VEGFA: variants seen among roughly 807,000 people sequenced by gnomAD.
VEGFA encodes vascular endothelial growth factor A, long form.
In VEGFA, 20 loss-of-function variants were observed where a neutral mutation model predicts 49.7. The observed-to-expected ratio is 0.40, with a 90% CI of 0.28 to 0.58. VEGFA has a LOEUF of 0.58. VEGFA is among the 20% of genes least tolerant of loss of function. The probability of loss-of-function intolerance (pLI) is 0.40; values close to 1 mark genes in which losing one functional copy is unlikely to be tolerated. For missense variants in VEGFA, 505 were observed against 553.5 expected, an observed-to-expected ratio of 0.91 and a Z score of 0.88; for synonymous variants, 219 against 223.4, an observed-to-expected ratio of 0.98 and a Z score of 0.18.
intron 5 of VEGFA, chr6:43,779,890 T>G (rs1443448941): frequency 3.0e-6 from 1 of 335,868 alleles, no homozygotes; most frequent in Non-Finnish European, 6.1e-6. Flanking sequence ...GGCTACAGCC[T>G]GCCCCCCTTC....
Position 43,770,705 on chromosome 6 carries a change from C to T in VEGFA, c.-2C>T, listed in dbSNP as rs745949912. ...TTGGGATCCCGCAGCTGACCAGTCG[C>T]GCTGACGGACAGACAGACAGACACC... On this transcript the variant is annotated 5_prime_UTR_variant, in exon 1 of 8. Coordinates refer to ENST00000672860, the MANE Select transcript of VEGFA (RefSeq NM_003376.6). 3.2e-6 allele frequency: 5 copies of T among 1,548,870 alleles called. No individual in the cohort carries two copies. In the South Asian group the frequency reaches 4.7e-5, roughly 15 times the overall value.
chr6:43,775,323 A>AT (rs3024991), intron 2 of VEGFA: 59,725 of 152,122 alleles, frequency 0.39, 12,713 homozygotes, highest in African/African-American at 0.57. Context: ...GGCAGGACAA[A>AT]GGTCTTTGTT....
In VEGFA at chr6:43,786,047, C is replaced by T. The variant is rs946247119; in HGVS notation, c.*1485C>T. 1.1e-5 allele frequency: 2 copies of T among 182,130 alleles called. No individual in the cohort carries two copies. Among genetic ancestry groups the T allele is most frequent in the African/African-American group, 4.7e-5 (2 of 42,412 alleles). The allele number at this position is 182,130 out of a possible 1,614,324, so 11.3% of individuals were successfully genotyped here. A position where few individuals can be genotyped will look rare whatever the true frequency, so the allele number is the denominator to read the frequency against. Reference sequence around the variant, plus strand: ...TTTTGCTAACACTCAGCTCTGCCCTCCCCGATCCCCTGGCTCCCCAGCACA... The same window carrying T: ...TTTTGCTAACACTCAGCTCTGCCCTTCCCGATCCCCTGGCTCCCCAGCACA... On this transcript the variant is annotated 3_prime_UTR_variant, in exon 8 of 8. Coordinates refer to ENST00000672860, the MANE Select transcript of VEGFA (RefSeq NM_003376.6).
chr6:43,771,161 G>T lies in VEGFA; in HGVS notation c.455G>T (p.Arg152Leu), dbSNP rs769291960. The change falls in exon 1 of 8, where the codon CGA (arginine) becomes CTA (leucine). Residue 152 changes from arginine to leucine, a missense_variant. Physicochemically the swap from Arg to Leu is moderately radical, Grantham distance 102. This residue lies in a region of VEGFA where 340 missense variants were observed against 321.8 expected (regional missense o/e 1.06). Transcript: ENST00000672860. Reference sequence around the variant, plus strand: ...GGCCGGGGAGGAAGAGTAGCTCGCCGAGGCGCCGAGGAGAGCGGGCCGCCC... The same window carrying T: ...GGCCGGGGAGGAAGAGTAGCTCGCCTAGGCGCCGAGGAGAGCGGGCCGCCC... 2 of 1,557,670 alleles carry T rather than the reference G, an allele frequency of 1.3e-6. No homozygotes were observed. The highest frequency in any genetic ancestry group is 1.4e-5 in the African/African-American group (1 of 71,024).
At chr6:43,779,229 T>G in intron 5 of VEGFA, 1 of 524,758 alleles carries the variant, frequency 1.9e-6, no homozygotes, top group Non-Finnish European at 3.4e-6. Flanking sequence ...ACTGGCTCAC[T>G]GGCTTGCTCT....
rs113207577 is a variant in VEGFA, at chr6:43,778,552, C to T, written c.932+16C>T. The T allele has an allele frequency of 9.3e-5, 150 of 1,612,256 alleles. No homozygotes were observed. In the African/African-American group the frequency reaches 1.3e-3, roughly 14 times the overall value. On this transcript the variant is annotated intron_variant, in intron 4 of 7. Coordinates refer to ENST00000672860, the MANE Select transcript of VEGFA (RefSeq NM_003376.6). ...GTGAATGCAGGTGAGGATGTAGTCA[C>T]GGATTCATTATCAGCAAGTGGCTGC...
At position 43,777,361 on chromosome 6, in the gene VEGFA, G is replaced by T; in HGVS notation, c.659-108G>T. The T allele has an allele frequency of 1.5e-6, 2 of 1,293,902 alleles. No homozygotes were observed. The highest frequency in any genetic ancestry group is 2.2e-6 in the Non-Finnish European group (2 of 909,450). The allele number at this position is 1,293,902 out of a possible 1,614,324, so 80.2% of individuals were successfully genotyped here. On this transcript the variant is annotated intron_variant, in intron 2 of 7. Transcript: ENST00000672860. The surrounding 1 kb of genome is among the most constrained non-coding windows in gnomAD (Gnocchi z 4.3). The stretch of plus-strand genomic sequence containing the variant: ...CTTACGTTAGATTTTGGAAGGACTT[G>T]CCTGATTCGGAAGCTCCAAAGAGTG...
chr6:43,780,062 A>C (rs1582513853), intron 5 of VEGFA: 1 of 217,326 alleles, frequency 4.6e-6, no homozygotes, highest in South Asian at 7.2e-5. Flanking sequence ...CTTAACTCCC[A>C]CCCCATCCTG....
intron 1 of VEGFA, chr6:43,771,914 C>G: frequency 1.5e-6 from 1 of 650,698 alleles, no homozygotes; most frequent in Non-Finnish European, 1.9e-6. Flanking sequence ...CGCCCGTCCC[C>G]GCTCGCGTCC....
At position 43,774,381 on chromosome 6, in the gene VEGFA, A is replaced by G. The variant is rs138919899; in HGVS notation, c.647A>G (p.Asn216Ser). The change falls in exon 2 of 8, where the codon AAT becomes AGT. Residue 216 changes from asparagine to serine, a missense_variant. Transcript: ENST00000672860. ...CCCATGGCAGAAGGAGGAGGGCAGA[A>G]TCATCACGAAGGTGAGTCCCCCTGG... 1.9e-6 allele frequency: 3 copies of G among 1,614,204 alleles called. No homozygotes were observed. The highest frequency in any genetic ancestry group is 3.3e-5 in the Admixed American group (2 of 60,030).
At chr6:43,779,048 T>C (rs1201696247) in intron 5 of VEGFA, 130 bp downstream of exon 5, 14 of 1,240,202 alleles carry the variant, frequency 1.1e-5, no homozygotes, top group Non-Finnish European at 1.5e-5. Flanking sequence ...GGGGGACTTG[T>C]GGTGGCAGCA....
At position 43,785,480 on chromosome 6, in the gene VEGFA, T is replaced by TG. The variant is rs1046569871; in HGVS notation, c.*920dup. The TG allele has an allele frequency of 4.9e-4, 107 of 219,898 alleles. No individual in the cohort carries two copies. Among genetic ancestry groups the TG allele is most frequent in the African/African-American group, 2.2e-3 (98 of 44,560 alleles). 13.6% of individuals were successfully genotyped at this position (219,898 alleles called of 1,614,324 possible). ...GCTTCTGAGTTGCCCAGGAGACCAC[T>TG]GGCAGATGTCCCGGCGAAGAGAAGA... On this transcript the variant is annotated 3_prime_UTR_variant, in exon 8 of 8. Coordinates refer to ENST00000672860, the MANE Select transcript of VEGFA (RefSeq NM_003376.6).
chr6:43,782,550 C>T, intron 7 of VEGFA: 1 of 260,398 alleles, frequency 3.8e-6, no homozygotes. Flanking sequence ...CATGGCTGGG[C>T]TTCTCACTCA....
rs755361036 is a variant in VEGFA, at chr6:43,777,640, C to T, written c.830C>T (p.Thr277Ile). ...GACGAGGGCCTGGAGTGTGTGCCCA[C>T]TGAGGAGTCCAACATCACCATGCAG... Residue 277 changes from threonine (T) to isoleucine (I), a missense_variant, in exon 3 of 8, where the codon ACT (threonine) becomes ATT (isoleucine). This residue lies in a region of VEGFA where 165 missense variants were observed against 231.7 expected (regional missense o/e 0.71). Coordinates refer to ENST00000672860, the MANE Select transcript of VEGFA (RefSeq NM_003376.6). The surrounding 1 kb of genome is among the most constrained non-coding windows in gnomAD (Gnocchi z 4.3). 3.1e-6 allele frequency: 5 copies of T among 1,612,606 alleles called. No individual in the cohort carries two copies. Among genetic ancestry groups the T allele is most frequent in the Non-Finnish European group, 3.4e-6 (4 of 1,179,606 alleles).
At chr6:43,778,282 G>A (rs1033498733) in intron 3 of VEGFA, 178 bp from the exon 4 acceptor site, 2 of 681,112 alleles carry the variant, frequency 2.9e-6, no homozygotes, top group African/African-American at 3.5e-5. Flanking sequence ...CAGGGTTGGG[G>A]GAGTTGGGGT....
chr6:43,773,942 G>T lies in VEGFA; in HGVS notation c.607-399G>T. ...CCCCTAGTCCTTCCTTCCTGCCCCA[G>T]TCCAAATTTGTCCTCCTATTTGACC... On this transcript the variant is annotated intron_variant, in intron 1 of 7. Transcript: ENST00000672860. This position sits in a 1 kb window ranked among gnomAD's most constrained non-coding sequence, Gnocchi z 5.6. 3.9e-6 allele frequency: 1 copy of T among 255,538 alleles called. No homozygotes were observed. The highest frequency in any genetic ancestry group is 5.3e-5 in the South Asian group (1 of 18,786). 15.8% of individuals were successfully genotyped at this position (255,538 alleles called of 1,614,324 possible).
intron 3 of VEGFA, 145 bp from the exon 4 acceptor site, chr6:43,778,315 A>C: frequency 2.1e-5 from 15 of 730,590 alleles, no homozygotes; most frequent in Non-Finnish European, 2.5e-5. Flanking sequence ...CTTTCCTGCT[A>C]GAGCTCTTGG....
In VEGFA at chr6:43,784,970, A is replaced by G. The variant is rs1769216872; in HGVS notation, c.*408A>G. On this transcript the variant is annotated 3_prime_UTR_variant, in exon 8 of 8. Coordinates refer to ENST00000672860, the MANE Select transcript of VEGFA (RefSeq NM_003376.6). ...ATAAAAATAAATATCTCTATTTTAT[A>G]TATATAAAATATATATATTCTTTTT... 1 of 175,176 alleles carries G rather than the reference A, an allele frequency of 5.7e-6. No homozygotes were observed. Among genetic ancestry groups the G allele is most frequent in the African/African-American group, 2.4e-5 (1 of 41,638 alleles). The allele number at this position is 175,176 out of a possible 1,614,324, so 10.9% of individuals were successfully genotyped here.
Position 43,778,535 on chromosome 6 carries a change from A to G in VEGFA, c.931A>G (p.Arg311Gly), listed in dbSNP as rs1424048096. 4 of 1,613,680 alleles carry G rather than the reference A, an allele frequency of 2.5e-6. No individual in the cohort carries two copies. In the Admixed American group the frequency reaches 6.7e-5, roughly 27 times the overall value. ...CCTACAGCACAACAAATGTGAATGC[A>G]GGTGAGGATGTAGTCACGGATTCAT... Residue 311 changes from arginine (R) to glycine (G), a missense_variant and splice_region_variant, in exon 4 of 8, where the codon AGA becomes GGA. Coordinates refer to ENST00000672860, the MANE Select transcript of VEGFA (RefSeq NM_003376.6).
Sources: gnomAD v4.1 joint callset for allele counts on GRCh38, gnomAD v4.1.1 for gene constraint, gnomAD v4.1.1 regional missense constraint, Gnocchi (gnomAD v3.1) non-coding constraint, MANE v1.5 for transcripts, NCBI Gene and HGNC (gene_info 2026-07-23, HGNC 2026-07-21) for gene names.